The following ULK4 variants were observed in gnomAD, a reference collection of about 807,000 sequenced individuals.
ULK4 encodes the protein inactive serine/threonine-protein kinase ULK4.
ULK4 carries 133 observed loss-of-function variants against 160.6 expected under a neutral mutation model. The observed-to-expected ratio is 0.83, with a 90% CI of 0.72 to 0.96. ULK4 has a LOEUF of 0.96. Among genes scored for constraint, ULK4 ranks in the 40% least tolerant of loss-of-function variants. The probability of loss-of-function intolerance (pLI) is 0.00; values close to 1 mark genes in which losing one functional copy is unlikely to be tolerated. For missense variants in ULK4, 1,580 were observed against 1,499.5 expected (o/e 1.05, Z -0.89); for synonymous variants, 534 against 539.8 (o/e 0.99, Z 0.15).
intron 19 of ULK4, among the ~76,000 whole-genome samples, chr3:41,817,678 C>T (rs896802100): frequency 1.3e-5 from 2 of 152,100 alleles, no homozygotes; most frequent in Non-Finnish European, 2.9e-5. Context: ...ATACTATGCT[C>T]ACTACCTGGG....
intron 19 of ULK4, among the ~76,000 whole-genome samples, chr3:41,816,340 T>C (rs967044122): frequency 4.6e-5 from 7 of 152,212 alleles, no homozygotes; most frequent in African/African-American, 1.7e-4. Flanking sequence ...TTTTCTTTTC[T>C]AATCTTTGAA....
intron 32 of ULK4, among the ~76,000 whole-genome samples, chr3:41,511,170 A>C (rs2085563431): frequency 6.6e-6 from 1 of 150,998 alleles, no homozygotes; most frequent in Admixed American, 6.6e-5. Context: ...CTCAAAAAAA[A>C]AAAAAAAAAA....
chr3:41,845,581 T>C (rs1210043616), intron 17 of ULK4, among the ~76,000 whole-genome samples: 2 of 152,196 alleles, frequency 1.3e-5, no homozygotes, highest in Non-Finnish European at 2.9e-5. Context: ...ATCCTTGCAG[T>C]GATGAAACTC....
At chr3:41,393,139 A>G (rs993648885) in intron 35 of ULK4, among the ~76,000 whole-genome samples, 1 of 152,186 alleles carries the variant, frequency 6.6e-6, no homozygotes, top group African/African-American at 2.4e-5. Context: ...TATGGACTGA[A>G]GACCACAAGT....
chr3:41,931,279 A>C (rs1326920861), intron 5 of ULK4, among the ~76,000 whole-genome samples: 1 of 152,062 alleles, frequency 6.6e-6, no homozygotes, highest in East Asian at 1.9e-4. Flanking sequence ...GGAGTTGAAC[A>C]ATGAGAACAC....
chr3:41,937,596 G>A (rs1305265659), intron 3 of ULK4, among the ~76,000 whole-genome samples: 1 of 151,306 alleles, frequency 6.6e-6, no homozygotes, highest in Non-Finnish European at 1.5e-5. Context: ...TAAAAGCCCA[G>A]ATAATATGTA....
At chr3:41,548,012 T>C (rs1199414506) in intron 32 of ULK4, among the ~76,000 whole-genome samples, 3 of 152,136 alleles carry the variant, frequency 2.0e-5, no homozygotes, top group Non-Finnish European at 2.9e-5. Flanking sequence ...AACAGGGCTA[T>C]TGCATACTTG....
intron 17 of ULK4, among the ~76,000 whole-genome samples, chr3:41,851,109 G>C (rs1269682314): frequency 1.3e-5 from 2 of 152,078 alleles, no homozygotes; most frequent in Admixed American, 1.3e-4. Context: ...ATTTCCAACA[G>C]TATGTTGAAT....
intron 19 of ULK4, among the ~76,000 whole-genome samples, chr3:41,818,692 G>A (rs1460241742): frequency 2.6e-5 from 4 of 152,196 alleles, no homozygotes; most frequent in Non-Finnish European, 5.9e-5. Flanking sequence ...AAAGTAGGAA[G>A]CAATGAACTC....
intron 21 of ULK4, among the ~76,000 whole-genome samples, chr3:41,762,666 T>G (rs2039025962): frequency 7.1e-6 from 1 of 140,606 alleles, no homozygotes; most frequent in African/African-American, 2.6e-5. Flanking sequence ...TTTTTTTTTT[T>G]TTTTTTTTTT....
intron 22 of ULK4, among the ~76,000 whole-genome samples, chr3:41,719,417 G>C (rs2037377144): frequency 6.6e-6 from 1 of 152,092 alleles, no homozygotes; most frequent in Non-Finnish European, 1.5e-5. Context: ...CTTGACATCT[G>C]ATTTTATCTG....
intron 35 of ULK4, among the ~76,000 whole-genome samples, chr3:41,359,383 T>C (rs2081094919): frequency 6.6e-6 from 1 of 151,964 alleles, no homozygotes; most frequent in African/African-American, 2.4e-5. Context: ...TGGAGAGGAG[T>C]AGCAGTCTTA....
intron 7 of ULK4, among the ~76,000 whole-genome samples, chr3:41,916,834 A>C (rs1698985072): frequency 6.6e-6 from 1 of 151,596 alleles, no homozygotes; most frequent in Non-Finnish European, 1.5e-5. Context: ...CAGCCTCCCA[A>C]GTAGCTCGGA....
At chr3:41,475,116 A>G (rs1315755738) in intron 32 of ULK4, among the ~76,000 whole-genome samples, 1 of 152,208 alleles carries the variant, frequency 6.6e-6, no homozygotes, top group Non-Finnish European at 1.5e-5. Flanking sequence ...ATAAAAGGAT[A>G]AAGAAAATGT....
chr3:41,892,017 C>T (rs1697986649), intron 16 of ULK4, among the ~76,000 whole-genome samples: 1 of 152,178 alleles, frequency 6.6e-6, no homozygotes, highest in Non-Finnish European at 1.5e-5. Flanking sequence ...GATGGATGAG[C>T]ATTTACTTTA....
chr3:41,433,846 A>G (rs2082971055), intron 34 of ULK4, among the ~76,000 whole-genome samples: 1 of 152,128 alleles, frequency 6.6e-6, no homozygotes, highest in African/African-American at 2.4e-5. Flanking sequence ...CAGCCTCCAG[A>G]CTAGCTGGGA....
At chr3:41,767,958 T>C (rs1237864068) in intron 21 of ULK4, among the ~76,000 whole-genome samples, 2 of 152,184 alleles carry the variant, frequency 1.3e-5, no homozygotes, top group Admixed American at 6.5e-5. Flanking sequence ...ACTGGCCTGT[T>C]AGGAACCCGG....
At chr3:41,324,790 A>G (rs2080309916) in intron 35 of ULK4, among the ~76,000 whole-genome samples, 1 of 152,164 alleles carries the variant, frequency 6.6e-6, no homozygotes, top group Non-Finnish European at 1.5e-5. Context: ...CAGGCAATAC[A>G]ACGGCATCTT....
At chr3:41,895,810 G>A (rs1174086725) in intron 15 of ULK4, among the ~76,000 whole-genome samples, 1 of 152,050 alleles carries the variant, frequency 6.6e-6, no homozygotes, top group Non-Finnish European at 1.5e-5. Context: ...GCCCTTACCT[G>A]ATAGACACAC....
Sources: allele counts gnomAD v4.1 joint callset (sites outside exome capture counted in the v4.1 genomes callset), GRCh38; gene constraint gnomAD v4.1.1; transcripts MANE v1.5; gene names NCBI Gene and HGNC (gene_info 2026-07-23, HGNC 2026-07-21).